CERK: variants seen among roughly 807,000 people sequenced by gnomAD.
The protein encoded by CERK is acylsphingosine kinase.
Under a neutral mutation model 63.4 loss-of-function variants are expected in CERK, and 39 were observed. The observed-to-expected ratio is 0.61, with a 90% CI of 0.48 to 0.80. The LOEUF (loss-of-function observed/expected upper bound fraction) is 0.80. CERK is among the 30% of genes least tolerant of loss of function. The pLI is 0.00. For missense variants in CERK, 670 were observed against 714.1 expected, an observed-to-expected ratio of 0.94 and a Z score of 0.70; for synonymous variants, 302 against 280.0, an observed-to-expected ratio of 1.08 and a Z score of -0.78.
At chr22:46,708,093 C>A in intron 5 of CERK, 105 bp from the exon 6 acceptor site, 1 of 1,309,226 alleles carries the variant, frequency 7.6e-7, no homozygotes, top group East Asian at 2.5e-5. Flanking sequence ...ACACCTGGCC[C>A]TTGGCAGGCA....
rs1450151723 is a variant in CERK, at chr22:46,738,129, G to T, written c.20C>A (p.Ala7Glu). The change falls in exon 1 of 13, where the codon GCG becomes GAG. Residue 7 changes from alanine (A) to glutamate (E), a missense_variant. Transcript: ENST00000216264. ...CCACAGCACGGATTGCAGCGGCTCC[G>T]CCGCCCCCGTCGCCCCCATCTCCGC... MGATGA[A>E]EPLQSVLWVK... The T allele has an allele frequency of 1.6e-6, 2 of 1,229,044 alleles. No individual in the cohort carries two copies. Among genetic ancestry groups the T allele is most frequent in the Admixed American group, 4.0e-5 (1 of 25,098 alleles). The allele number at this position is 1,229,044 out of a possible 1,614,324, so 76.1% of individuals were successfully genotyped here.
At chr22:46,707,315 G>A (rs1185910836) in intron 6 of CERK, among the ~76,000 whole-genome samples, 1 of 152,316 alleles carries the variant, frequency 6.6e-6, no homozygotes, top group Admixed American at 6.5e-5. Context: ...CAAAGAACAA[G>A]GTGGTTCCTA....
intron 4 of CERK, among the ~76,000 whole-genome samples, chr22:46,711,692 A>G (rs1372282459): frequency 6.6e-6 from 1 of 152,188 alleles, no homozygotes; most frequent in Non-Finnish European, 1.5e-5. Flanking sequence ...ATTGCCTTCT[A>G]TGCTGAGAAT....
At position 46,727,297 on chromosome 22, in the gene CERK, T is replaced by C. The variant is rs1422383510; in HGVS notation, c.143-6282A>G. Among the ~76,000 whole-genome samples, 3 of 152,060 alleles carry C rather than the reference T, an allele frequency of 2.0e-5. No homozygotes were observed. The East Asian group carries it at 5.8e-4, about 29-fold the overall frequency. On this transcript the variant is annotated intron_variant, in intron 1 of 12. Coordinates refer to ENST00000216264, the MANE Select transcript of CERK (RefSeq NM_022766.6). The stretch of plus-strand genomic sequence containing the variant: ...CCAATGTCTCCTCTTCTTTTTTTTT[T>C]TGAGACAGGTCTCACTGTGTCACCC...
chr22:46,715,763 C>A lies in CERK; in HGVS notation c.380-3470G>T, dbSNP rs189858889. Among the ~76,000 whole-genome samples, 102 of 152,190 alleles carry A rather than the reference C, an allele frequency of 6.7e-4. 1 individual carries two copies. The highest frequency in any genetic ancestry group is 2.4e-3 in the African/African-American group (98 of 41,530). On this transcript the variant is annotated intron_variant, in intron 3 of 12. Coordinates refer to ENST00000216264, the MANE Select transcript of CERK (RefSeq NM_022766.6). Reference sequence around the variant, plus strand: ...TCACACTGGACACAAAGATGAATTCCAAATGGATTACATAGATCCAAATGT... The same window carrying A: ...TCACACTGGACACAAAGATGAATTCAAAATGGATTACATAGATCCAAATGT...
At chr22:46,701,058 T>C (rs1482118635) in intron 7 of CERK, among the ~76,000 whole-genome samples, 1 of 151,832 alleles carries the variant, frequency 6.6e-6, no homozygotes, top group Non-Finnish European at 1.5e-5. Flanking sequence ...ATACAGTTTC[T>C]GTGACTTCAG....
chr22:46,701,801 C>CT, intron 6 of CERK, 91 bp from the exon 7 acceptor site: 1 of 880,488 alleles, frequency 1.1e-6, no homozygotes, highest in East Asian at 2.7e-5. Flanking sequence ...CATTCCTTTC[C>CT]TTCCATGGCC....
chr22:46,693,624 T>C, intron 9 of CERK, 121 bp from the exon 10 acceptor site: 1 of 787,558 alleles, frequency 1.3e-6, no homozygotes, highest in Non-Finnish European at 2.1e-6. Context: ...TTCAAAGGCT[T>C]AACAAAATAT....
intron 10 of CERK, among the ~76,000 whole-genome samples, chr22:46,692,923 AAG>A (rs1323178050): frequency 1.6e-4 from 23 of 146,198 alleles, no homozygotes; most frequent in Admixed American, 1.4e-4. Context: ...AAAAAAAAAA[AAG>A]AAGAGAAAGA....
chr22:46,698,353 A>T (rs757415197), intron 8 of CERK, among the ~76,000 whole-genome samples: 12 of 152,232 alleles, frequency 7.9e-5, no homozygotes, highest in Non-Finnish European at 1.3e-4. Context: ...TTGTTCATGG[A>T]CACGTCCCTG....
At chr22:46,687,797 G>A (rs135667) in intron 12 of CERK, among the ~76,000 whole-genome samples, 4 of 152,126 alleles carry the variant, frequency 2.6e-5, no homozygotes, top group Non-Finnish European at 4.4e-5. Context: ...CAGTGAGTCC[G>A]TGGGTGAGTG....
At chr22:46,727,452 T>TC (rs57613787) in intron 1 of CERK, among the ~76,000 whole-genome samples, 170 of 132,916 alleles carry the variant, frequency 1.3e-3, no homozygotes, top group Admixed American at 5.0e-3. Context: ...GCTGTTTCTT[T>TC]TTTTTTTTTT....
At chr22:46,700,125 C>T (rs2082776308) in intron 7 of CERK, among the ~76,000 whole-genome samples, 1 of 151,644 alleles carries the variant, frequency 6.6e-6, no homozygotes. Context: ...TGCGGTGGCC[C>T]GCGCCTGTAA....
intron 1 of CERK, among the ~76,000 whole-genome samples, chr22:46,730,572 T>G (rs530881086): frequency 1.5e-3 from 235 of 152,184 alleles, no homozygotes; most frequent in Non-Finnish European, 2.6e-3. Flanking sequence ...AAGTTGAAAA[T>G]AGGTCAGCAG....
chr22:46,707,740 C>G, intron 6 of CERK, 103 bp downstream of exon 6: 1 of 1,316,528 alleles, frequency 7.6e-7, no homozygotes, highest in South Asian at 1.4e-5. Flanking sequence ...ACGAACTAAA[C>G]TGAGTATAAT....
At chr22:46,723,464 C>G (rs1189648553) in intron 1 of CERK, among the ~76,000 whole-genome samples, 1 of 151,856 alleles carries the variant, frequency 6.6e-6, no homozygotes, top group Non-Finnish European at 1.5e-5. Context: ...ACTAAAAATA[C>G]AAAAGTTAGC....
At chr22:46,711,064 C>T (rs760002956) in intron 5 of CERK, 22 bp downstream of exon 5, 33 of 1,598,500 alleles carry the variant, frequency 2.1e-5, no homozygotes, top group East Asian at 2.2e-5. Context: ...GACTTGATGG[C>T]GATGAAAGAC....
chr22:46,720,250 G>A, intron 2 of CERK, 42 bp from the exon 3 acceptor site: 2 of 1,578,376 alleles, frequency 1.3e-6, no homozygotes, highest in Non-Finnish European at 1.7e-6. Context: ...AAGTTTGCAG[G>A]GTCACTGACA....
chr22:46,703,944 C>T (rs986490017), intron 6 of CERK, among the ~76,000 whole-genome samples: 10 of 152,076 alleles, frequency 6.6e-5, no homozygotes, highest in Admixed American at 3.9e-4. Context: ...AGCTGACTCC[C>T]GGCCTAGGCC....
Sources: gnomAD v4.1 joint callset for allele counts (sites outside exome capture counted in the v4.1 genomes callset) on GRCh38, gnomAD v4.1.1 for gene constraint, MANE v1.5 for transcripts, NCBI Gene and HGNC (gene_info 2026-07-23, HGNC 2026-07-21) for gene names.